SUGCT: variants seen among roughly 807,000 people sequenced by gnomAD.
SUGCT encodes the protein succinyl-CoA:glutarate CoA-transferase.
Under a neutral mutation model 55.0 loss-of-function variants are expected in SUGCT, and 41 were observed. That is an observed-to-expected ratio of 0.74 (90% confidence interval 0.58 to 0.97). The LOEUF (loss-of-function observed/expected upper bound fraction) is 0.97, where lower values mean the gene tolerates loss of function less well. SUGCT is among the 50% of genes least tolerant of loss of function. The pLI, the probability that SUGCT is intolerant of heterozygous loss-of-function variation, is 0.00. For synonymous variants in SUGCT, 187 were observed against 200.4 expected (o/e 0.93, Z 0.56); for missense variants, 568 against 547.8 (o/e 1.04, Z -0.37).
chr7:40,955,999 G>A, the SUGCT span, among the ~76,000 whole-genome samples: 1 of 152,156 alleles, frequency 6.6e-6, no homozygotes, highest in South Asian at 2.1e-4. Context: ...TGGTGGATAA[G>A]CTTTTTAATG....
At chr7:40,895,161 G>C in the SUGCT span, among the ~76,000 whole-genome samples, 1 of 152,168 alleles carries the variant, frequency 6.6e-6, no homozygotes, top group Non-Finnish European at 1.5e-5. Flanking sequence ...GACCTTTGCA[G>C]CAACATAGAT....
chr7:40,889,370 C>T, the SUGCT span, among the ~76,000 whole-genome samples: 2 of 152,146 alleles, frequency 1.3e-5, no homozygotes, highest in African/African-American at 2.4e-5. Context: ...ATCCACCTTG[C>T]TGGGAGGAGA....
In SUGCT at chr7:40,415,585, G is replaced by A. The variant is rs1387884151; in HGVS notation, c.817-33702G>A. 4.6e-5 allele frequency among the ~76,000 whole-genome samples: 7 copies of A among 151,456 alleles called. No homozygotes were observed. In the East Asian group the frequency reaches 1.2e-3, roughly 25 times the overall value. ...TTCTACCTTTGGTTATAAAAACCTTGAGTAAAAAGTCTCCCCCAAAATTTA... is the reference window on the plus strand; with the variant it reads ...TTCTACCTTTGGTTATAAAAACCTTAAGTAAAAAGTCTCCCCCAAAATTTA... On this transcript the variant is annotated intron_variant, in intron 9 of 13. Transcript: ENST00000335693.
chr7:40,245,427 T>A (rs60989405), intron 7 of SUGCT, among the ~76,000 whole-genome samples: 205 of 17,014 alleles, frequency 0.012, 1 homozygote, highest in African/African-American at 0.028. Context: ...ATATATATTT[T>A]TTTTTTTTTT....
At chr7:40,997,064 C>T in the SUGCT span, among the ~76,000 whole-genome samples, 1 of 152,154 alleles carries the variant, frequency 6.6e-6, no homozygotes, top group Non-Finnish European at 1.5e-5. Context: ...AGCCACACAG[C>T]TGGCACCCCA....
chr7:40,444,098 CAGTACCATGCTGTT>C (rs1178841503), intron 9 of SUGCT, among the ~76,000 whole-genome samples: 1 of 150,740 alleles, frequency 6.6e-6, no homozygotes, highest in Admixed American at 6.6e-5. Flanking sequence ...GTTTTGGTAC[CAGTACCATGCTGTT>C]TTGGTTACTG....
At chr7:40,928,246 A>T in the SUGCT span, among the ~76,000 whole-genome samples, 2 of 152,036 alleles carry the variant, frequency 1.3e-5, no homozygotes, top group African/African-American at 4.8e-5. Context: ...TTCTTTTTCA[A>T]CATCCACTCC....
At chr7:40,693,384 G>C (rs1484233398) in intron 12 of SUGCT, among the ~76,000 whole-genome samples, 2 of 152,150 alleles carry the variant, frequency 1.3e-5, no homozygotes, top group African/African-American at 4.8e-5. Flanking sequence ...CACACTTTCA[G>C]GTGCTATTCC....
chr7:40,963,399 G>T, the SUGCT span, among the ~76,000 whole-genome samples: 1 of 152,114 alleles, frequency 6.6e-6, no homozygotes, highest in Non-Finnish European at 1.5e-5. Context: ...CAAATGCATT[G>T]TCTACTTGGG....
chr7:40,553,895 G>T (rs1038809228), intron 12 of SUGCT, among the ~76,000 whole-genome samples: 1 of 152,222 alleles, frequency 6.6e-6, no homozygotes, highest in African/African-American at 2.4e-5. Flanking sequence ...TTCCCAGTGG[G>T]CTAACCTGGC....
chr7:40,783,230 A>G (rs557871220), intron 13 of SUGCT, among the ~76,000 whole-genome samples: 10 of 152,220 alleles, frequency 6.6e-5, no homozygotes, highest in Non-Finnish European at 1.3e-4. Flanking sequence ...AGGACATCGG[A>G]CTACTTTTTC....
At chr7:40,680,126 T>C (rs1186961402) in intron 12 of SUGCT, among the ~76,000 whole-genome samples, 1 of 152,204 alleles carries the variant, frequency 6.6e-6, no homozygotes, top group East Asian at 1.9e-4. Context: ...AATGCAATCC[T>C]TTTTCTCAGG....
intron 13 of SUGCT, among the ~76,000 whole-genome samples, chr7:40,848,332 A>G (rs914992821): frequency 1.3e-5 from 2 of 152,136 alleles, no homozygotes; most frequent in African/African-American, 4.8e-5. Context: ...CCCTCTTCCT[A>G]CATGCTTTCT....
At chr7:40,774,623 TTA>T (rs1464947154) in intron 13 of SUGCT, among the ~76,000 whole-genome samples, 11 of 152,140 alleles carry the variant, frequency 7.2e-5, no homozygotes, top group African/African-American at 2.4e-4. Flanking sequence ...CCTAACAGAG[TTA>T]TTTCTGTTGT....
intron 13 of SUGCT, among the ~76,000 whole-genome samples, chr7:40,851,670 C>T: frequency 6.6e-6 from 1 of 152,192 alleles, no homozygotes; most frequent in East Asian, 1.9e-4. Flanking sequence ...ACGGGCATAA[C>T]CTGTAAGCAT....
At chr7:40,926,659 T>G in the SUGCT span, among the ~76,000 whole-genome samples, 5 of 152,220 alleles carry the variant, frequency 3.3e-5, no homozygotes, top group African/African-American at 1.2e-4. Flanking sequence ...CAGAAAACTT[T>G]CCAGTTTTGT....
At chr7:40,811,749 A>G (rs960043313) in intron 13 of SUGCT, among the ~76,000 whole-genome samples, 11 of 151,872 alleles carry the variant, frequency 7.2e-5, no homozygotes, top group Non-Finnish European at 1.6e-4. Flanking sequence ...ATTTGGATAT[A>G]TTTTATTTCT....
At chr7:40,924,265 C>CGTGTGTGTGTGTGTGTGTGTGTGTGT in the SUGCT span, among the ~76,000 whole-genome samples, 17 of 136,016 alleles carry the variant, frequency 1.2e-4, no homozygotes, top group African/African-American at 2.6e-4. Flanking sequence ...CTTTCAATTA[C>CGTGTGTGTGTGTGTGTGTGTGTGTGT]GTGTGTGTGT....
At chr7:40,572,159 G>A (rs1796485719) in intron 12 of SUGCT, among the ~76,000 whole-genome samples, 1 of 152,020 alleles carries the variant, frequency 6.6e-6, no homozygotes, top group Non-Finnish European at 1.5e-5. Context: ...TTGCTGGGAG[G>A]CGTATGAGAC....
Sources: allele counts gnomAD v4.1 joint callset (sites outside exome capture counted in the v4.1 genomes callset), GRCh38; gene constraint gnomAD v4.1.1; transcripts MANE v1.5; gene names NCBI Gene and HGNC (gene_info 2026-07-23, HGNC 2026-07-21).